The following RGS7 variants were observed in gnomAD, a reference collection of about 807,000 sequenced individuals.
RGS7 encodes the protein regulator of G protein signaling 7, also known as regulator of G-protein signaling 7.
A neutral mutation model predicts 81.1 loss-of-function variants in RGS7; 27 were observed. That is an observed-to-expected ratio of 0.33 (90% confidence interval 0.25 to 0.46). RGS7 has a LOEUF of 0.46. Ranked by LOEUF, RGS7 falls within the 20% of genes least tolerant of loss-of-function variation. The pLI is 1.00. For missense variants in RGS7, 396 were observed against 607.4 expected (o/e 0.65, Z 3.66); for synonymous variants, 208 against 207.7 (o/e 1.00, Z -0.01).
At chr1:240,980,154 T>C (rs1684708493) in intron 4 of RGS7, among the ~76,000 whole-genome samples, 1 of 152,138 alleles carries the variant, frequency 6.6e-6, no homozygotes, top group Admixed American at 6.5e-5. Flanking sequence ...TACCAAAATC[T>C]CTGATAAAAT....
intron 3 of RGS7, chr1:240,998,689 C>A (rs552793948): frequency 6.3e-5 from 73 of 1,153,406 alleles, no homozygotes; most frequent in Non-Finnish European, 7.1e-5. Context: ...ACATTTACAC[C>A]GGCTGCTTTA....
At chr1:240,788,826 T>C (rs745880036) in intron 18 of RGS7, among the ~76,000 whole-genome samples, 1 of 152,158 alleles carries the variant, frequency 6.6e-6, no homozygotes, top group Non-Finnish European at 1.5e-5. Context: ...GTATGGATAG[T>C]TGGACTACAC....
chr1:241,142,346 T>C (rs561093358), intron 2 of RGS7, among the ~76,000 whole-genome samples: 1 of 152,312 alleles, frequency 6.6e-6, no homozygotes, highest in South Asian at 2.1e-4. Context: ...CGTTTCCCTT[T>C]TGCGCTACCC....
intron 3 of RGS7, among the ~76,000 whole-genome samples, chr1:241,049,804 T>A (rs548278714): frequency 4.6e-5 from 7 of 152,306 alleles, no homozygotes; most frequent in Middle Eastern, 6.8e-3. Flanking sequence ...ATAAGTTTAA[T>A]GTATCTGGTT....
chr1:240,800,019 T>C (rs904970658), intron 18 of RGS7, among the ~76,000 whole-genome samples: 8 of 152,324 alleles, frequency 5.3e-5, no homozygotes, highest in African/African-American at 1.9e-4. Context: ...TTAAATTATA[T>C]CACAGAAATT....
At chr1:241,128,149 C>T (rs943202606) in intron 2 of RGS7, among the ~76,000 whole-genome samples, 31 of 151,720 alleles carry the variant, frequency 2.0e-4, no homozygotes, top group Admixed American at 1.4e-3. Context: ...GTGTGGCGGG[C>T]GCCTTTAGTC....
chr1:241,306,127 T>C (rs1232217956), intron 2 of RGS7, among the ~76,000 whole-genome samples: 2 of 85,598 alleles, frequency 2.3e-5, no homozygotes, highest in East Asian at 7.2e-4. Context: ...TCATCTCTTT[T>C]TCACACACAC....
intron 9 of RGS7, among the ~76,000 whole-genome samples, chr1:240,851,994 A>G (rs1010153036): frequency 6.6e-6 from 1 of 152,244 alleles, no homozygotes; most frequent in Non-Finnish European, 1.5e-5. Context: ...AGAATATTAT[A>G]TAAACTTAGT....
chr1:240,972,840 C>T (rs1683455833), intron 4 of RGS7, among the ~76,000 whole-genome samples: 1 of 141,982 alleles, frequency 7.0e-6, no homozygotes, highest in East Asian at 2.1e-4. Flanking sequence ...GGCAACAACC[C>T]CGCCTCTCAA....
chr1:240,919,735 G>T, intron 6 of RGS7: 1 of 632,160 alleles, frequency 1.6e-6, no homozygotes. Flanking sequence ...CAAGGTGAGA[G>T]CCTGAGGGGC....
intron 2 of RGS7, among the ~76,000 whole-genome samples, chr1:241,308,398 G>A (rs2080300112): frequency 6.6e-6 from 1 of 152,214 alleles, no homozygotes; most frequent in Non-Finnish European, 1.5e-5. Flanking sequence ...TAGGAAGCAT[G>A]GGGGCAATTT....
chr1:241,339,584 A>G (rs967994588), intron 2 of RGS7, among the ~76,000 whole-genome samples: 1 of 152,232 alleles, frequency 6.6e-6, no homozygotes, highest in Non-Finnish European at 1.5e-5. Flanking sequence ...GTAGCAAAGA[A>G]GTTTATGTAG....
chr1:241,216,318 T>C (rs571869936), intron 2 of RGS7, among the ~76,000 whole-genome samples: 1 of 151,722 alleles, frequency 6.6e-6, no homozygotes, highest in African/African-American at 2.4e-5. Context: ...GGAAGAAAAA[T>C]GAGAATAAAA....
At chr1:240,865,970 A>T (rs1281264015) in intron 9 of RGS7, among the ~76,000 whole-genome samples, 1 of 152,230 alleles carries the variant, frequency 6.6e-6, no homozygotes, top group African/African-American at 2.4e-5. Flanking sequence ...GACCCAAAAG[A>T]CTAAAAACAA....
At chr1:240,889,728 A>G (rs1667973002) in intron 6 of RGS7, among the ~76,000 whole-genome samples, 1 of 152,168 alleles carries the variant, frequency 6.6e-6, no homozygotes, top group Non-Finnish European at 1.5e-5. Flanking sequence ...GTTCCAAATC[A>G]GCCCACTTGG....
chr1:241,195,878 T>C (rs1036344745), intron 2 of RGS7, among the ~76,000 whole-genome samples: 1 of 152,056 alleles, frequency 6.6e-6, no homozygotes, highest in African/African-American at 2.4e-5. Flanking sequence ...CTAATACACA[T>C]GTAACTGAAA....
At chr1:241,310,610 T>G (rs537891010) in intron 2 of RGS7, among the ~76,000 whole-genome samples, 1 of 150,902 alleles carries the variant, frequency 6.6e-6, no homozygotes, top group East Asian at 1.9e-4. Context: ...GTGATGAAAA[T>G]CCAGAACAAT....
chr1:241,081,537 T>C (rs936656199), intron 3 of RGS7, among the ~76,000 whole-genome samples: 1 of 152,210 alleles, frequency 6.6e-6, no homozygotes, highest in Non-Finnish European at 1.5e-5. Context: ...ATAAAGTACA[T>C]CGATTTCCCC....
chr1:241,134,846 C>G (rs751140860), intron 2 of RGS7, among the ~76,000 whole-genome samples: 1 of 152,168 alleles, frequency 6.6e-6, no homozygotes, highest in Non-Finnish European at 1.5e-5. Flanking sequence ...AGGCCCAGTC[C>G]CAAGGCGCAA....
Sources: gnomAD v4.1 joint callset for allele counts (sites outside exome capture counted in the v4.1 genomes callset) on GRCh38, gnomAD v4.1.1 for gene constraint, MANE v1.5 for transcripts, NCBI Gene and HGNC (gene_info 2026-07-23, HGNC 2026-07-21) for gene names.